The following WDFY2 variants were observed in gnomAD, a reference collection of about 807,000 sequenced individuals.
The protein encoded by WDFY2 is WD repeat and FYVE domain containing 2.
A neutral mutation model predicts 56.4 loss-of-function variants in WDFY2; 36 were observed. The observed-to-expected ratio is 0.64, with a 90% confidence interval of 0.49 to 0.84. The LOEUF is 0.84. WDFY2 is among the 40% of genes least tolerant of loss of function. WDFY2 has a pLI of 0.00. For missense variants in WDFY2, 444 were observed against 512.2 expected, an observed-to-expected ratio of 0.87 and a Z score of 1.29; for synonymous variants, 176 against 183.7, an observed-to-expected ratio of 0.96 and a Z score of 0.34.
intron 4 of WDFY2, among the ~76,000 whole-genome samples, chr13:51,713,240 T>G (rs1040724797): frequency 1.3e-5 from 2 of 152,230 alleles, no homozygotes; most frequent in Non-Finnish European, 2.9e-5. Context: ...TTTCAGTGGA[T>G]AAAATCCAGC....
intron 1 of WDFY2, among the ~76,000 whole-genome samples, chr13:51,630,892 C>T (rs538627562): frequency 1.3e-5 from 2 of 151,560 alleles, no homozygotes; most frequent in South Asian, 4.2e-4. Context: ...GATTCTCCTG[C>T]CTCAGCCTCC....
intron 5 of WDFY2, among the ~76,000 whole-genome samples, chr13:51,727,349 T>G (rs1012771650): frequency 6.6e-6 from 1 of 152,254 alleles, no homozygotes; most frequent in African/African-American, 2.4e-5. Context: ...GTTCTTATTT[T>G]CAGAGTATTC....
chr13:51,714,937 G>C (rs571625212), intron 4 of WDFY2, among the ~76,000 whole-genome samples: 1 of 152,320 alleles, frequency 6.6e-6, no homozygotes, highest in Non-Finnish European at 1.5e-5. Context: ...TATGAATACT[G>C]TAGGCAGTTG....
intron 3 of WDFY2, among the ~76,000 whole-genome samples, chr13:51,700,169 C>G (rs920032634): frequency 1.3e-5 from 2 of 152,118 alleles, no homozygotes; most frequent in Non-Finnish European, 2.9e-5. Context: ...ATACGCCAGA[C>G]CGTTAACATT....
intron 11 of WDFY2, 37 bp from the exon 12 acceptor site, chr13:51,759,702 AT>A: frequency 6.2e-7 from 1 of 1,612,312 alleles, no homozygotes; most frequent in Admixed American, 1.7e-5. Flanking sequence ...CCTCAACACA[AT>A]TTTAGTTCAT....
At chr13:51,591,982 A>G (rs1202481247) in intron 1 of WDFY2, 2 of 140,254 alleles carry the variant, frequency 1.4e-5, no homozygotes, top group Non-Finnish European at 3.1e-5. Context: ...GGGTTCAGAA[A>G]AAAAGTAGGA....
intron 1 of WDFY2, among the ~76,000 whole-genome samples, chr13:51,634,708 T>C (rs1481508729): frequency 6.6e-6 from 1 of 151,906 alleles, no homozygotes; most frequent in African/African-American, 2.4e-5. Context: ...AAAAGGCTGT[T>C]TTTTTTGTTT....
At chr13:51,650,311 T>G (rs556851655) in intron 1 of WDFY2, among the ~76,000 whole-genome samples, 58 of 152,340 alleles carry the variant, frequency 3.8e-4, no homozygotes, top group East Asian at 1.3e-3. Context: ...AAGGAGATTT[T>G]GGGCTGAGAC....
At chr13:51,658,453 C>T (rs985617046) in intron 1 of WDFY2, among the ~76,000 whole-genome samples, 1 of 152,160 alleles carries the variant, frequency 6.6e-6, no homozygotes, top group Non-Finnish European at 1.5e-5. Context: ...ATGTTCGCTT[C>T]CTGGTACAAG....
At chr13:51,716,561 C>T (rs1266693320) in intron 4 of WDFY2, among the ~76,000 whole-genome samples, 2 of 149,970 alleles carry the variant, frequency 1.3e-5, no homozygotes, top group South Asian at 2.1e-4. Context: ...GGCGTAGTGG[C>T]GGGCGCCTGT....
intron 4 of WDFY2, among the ~76,000 whole-genome samples, chr13:51,711,818 A>G (rs1249150967): frequency 6.6e-6 from 1 of 152,232 alleles, no homozygotes; most frequent in East Asian, 1.9e-4. Flanking sequence ...GTGGAGAAAT[A>G]GGAACACTTT....
chr13:51,660,647 A>T lies in WDFY2; in HGVS notation c.189A>T (p.Val63=), dbSNP rs1430140429. ...KRDSGQYWPS[V]YHAMPSPCSC... ...ACAGTGGACAGTATTGGCCAAGCGT[A>T]TACCATGCAATGCCTTGTAAGTATC... The change falls in exon 2 of 12, where the codon GTA becomes GTT. Residue 63 remains valine, a synonymous_variant. Coordinates refer to ENST00000298125, the MANE Select transcript of WDFY2 (RefSeq NM_052950.4). 4 of 1,613,922 alleles carry T rather than the reference A, an allele frequency of 2.5e-6. No homozygotes were observed. The highest frequency in any genetic ancestry group is 1.7e-5 in the Admixed American group (1 of 60,018).
chr13:51,720,915 A>G (rs530662558), intron 5 of WDFY2, among the ~76,000 whole-genome samples: 6 of 151,448 alleles, frequency 4.0e-5, no homozygotes, highest in Admixed American at 2.6e-4. Flanking sequence ...TGACATATGA[A>G]TTTTGGGGAG....
At chr13:51,680,294 G>T (rs1008363048) in intron 3 of WDFY2, among the ~76,000 whole-genome samples, 5 of 152,026 alleles carry the variant, frequency 3.3e-5, no homozygotes, top group African/African-American at 1.2e-4. Context: ...CGTAGATGGG[G>T]TCTCACTATG....
intron 6 of WDFY2, among the ~76,000 whole-genome samples, chr13:51,729,571 C>T (rs1203541589): frequency 1.3e-5 from 2 of 150,974 alleles, no homozygotes; most frequent in Non-Finnish European, 2.9e-5. Flanking sequence ...AGTCTTCCTC[C>T]AGCCCATTCT....
intron 5 of WDFY2, among the ~76,000 whole-genome samples, chr13:51,722,692 T>G (rs1295134120): frequency 6.6e-6 from 1 of 152,220 alleles, no homozygotes; most frequent in African/African-American, 2.4e-5. Context: ...CACGTAACTG[T>G]TAGCCGGCAG....
intron 1 of WDFY2, among the ~76,000 whole-genome samples, chr13:51,656,085 T>C (rs528236570): frequency 6.6e-6 from 1 of 151,766 alleles, no homozygotes; most frequent in African/African-American, 2.4e-5. Flanking sequence ...CTCTAATCTT[T>C]GTTATTTCCT....
intron 2 of WDFY2, 69 bp from the exon 3 acceptor site, chr13:51,675,101 A>G: frequency 7.1e-7 from 1 of 1,415,578 alleles, no homozygotes. Context: ...ACTTTTAGCT[A>G]GTTAGGCACT....
intron 1 of WDFY2, among the ~76,000 whole-genome samples, chr13:51,658,537 A>G (rs1000236358): frequency 6.6e-6 from 1 of 152,216 alleles, no homozygotes; most frequent in African/African-American, 2.4e-5. Context: ...AGTTCTTGCC[A>G]GCTTAGTAGT....
Sources: gnomAD v4.1 joint callset for allele counts (sites outside exome capture counted in the v4.1 genomes callset) on GRCh38, gnomAD v4.1.1 for gene constraint, MANE v1.5 for transcripts, NCBI Gene and HGNC (gene_info 2026-07-23, HGNC 2026-07-21) for gene names.